PRKG1: variants seen among roughly 807,000 people sequenced by gnomAD.
PRKG1 encodes the protein protein kinase cGMP-dependent 1.
PRKG1 carries 35 observed loss-of-function variants against 88.1 expected under a neutral mutation model. The ratio of observed to expected loss-of-function variants is 0.40; its 90% confidence interval spans 0.30 to 0.53. PRKG1 has a LOEUF of 0.53. PRKG1 is among the 20% of genes least tolerant of loss of function. The pLI is 0.59. For synonymous variants in PRKG1, 303 were observed against 292.5 expected (o/e 1.04, Z -0.37); for missense variants, 540 against 839.8 (o/e 0.64, Z 4.41).
intron 3 of PRKG1, among the ~76,000 whole-genome samples, chr10:51,787,760 A>G (rs1838764671): frequency 2.0e-5 from 3 of 152,186 alleles, no homozygotes; most frequent in Admixed American, 2.0e-4. Flanking sequence ...TCTTATCAAA[A>G]CAATTATTAA....
At chr10:51,546,071 C>G (rs375722964) in intron 3 of PRKG1, among the ~76,000 whole-genome samples, 1 of 137,824 alleles carries the variant, frequency 7.3e-6, no homozygotes, top group African/African-American at 2.7e-5. Context: ...TTTTTTTTTG[C>G]TTCAAACATT....
chr10:51,003,856 A>T (rs1362893751), intron 1 of PRKG1, among the ~76,000 whole-genome samples: 1 of 152,156 alleles, frequency 6.6e-6, no homozygotes, highest in African/African-American at 2.4e-5. Context: ...TTTTTGCTTA[A>T]TAATAGTACC....
chr10:51,377,574 G>A (rs1299391877), intron 2 of PRKG1, among the ~76,000 whole-genome samples: 1 of 151,936 alleles, frequency 6.6e-6, no homozygotes, highest in African/African-American at 2.4e-5. Flanking sequence ...GGTCATATCT[G>A]GTTATGTGTG....
At chr10:51,157,092 A>T (rs1846233623) in intron 2 of PRKG1, among the ~76,000 whole-genome samples, 1 of 151,942 alleles carries the variant, frequency 6.6e-6, no homozygotes, top group Non-Finnish European at 1.5e-5. Flanking sequence ...TCCAAGTGTT[A>T]TTGCATACCT....
chr10:52,120,390 A>C (rs1847792337), intron 7 of PRKG1, among the ~76,000 whole-genome samples: 4 of 152,066 alleles, frequency 2.6e-5, no homozygotes, highest in South Asian at 2.1e-4. Context: ...TTCAGCGTCA[A>C]CTCAAAAGTC....
chr10:51,005,383 A>G (rs1842930753), intron 1 of PRKG1, among the ~76,000 whole-genome samples: 1 of 152,202 alleles, frequency 6.6e-6, no homozygotes, highest in South Asian at 2.1e-4. Context: ...AAAGGATTTT[A>G]GAAGATATCT....
chr10:51,204,504 TG>T (rs1837996074), intron 2 of PRKG1, among the ~76,000 whole-genome samples: 1 of 152,264 alleles, frequency 6.6e-6, no homozygotes, highest in African/African-American at 2.4e-5. Context: ...CTATGCTTTT[TG>T]TCAGGCCATT....
intron 10 of PRKG1, among the ~76,000 whole-genome samples, chr10:52,264,711 T>C (rs1246815964): frequency 6.6e-6 from 1 of 152,092 alleles, no homozygotes; most frequent in East Asian, 1.9e-4. Flanking sequence ...TCTGCCTGGA[T>C]TCCCTTATGC....
chr10:52,275,088 G>T (rs963589602), intron 12 of PRKG1, among the ~76,000 whole-genome samples: 1 of 152,130 alleles, frequency 6.6e-6, no homozygotes, highest in African/African-American at 2.4e-5. Flanking sequence ...TTAGTCCTTT[G>T]TCAGATGTAT....
At chr10:51,515,860 C>G (rs1841565647) in intron 3 of PRKG1, among the ~76,000 whole-genome samples, 2 of 152,164 alleles carry the variant, frequency 1.3e-5, no homozygotes, top group Admixed American at 1.3e-4. Context: ...CCTGCAGGAG[C>G]AAACTCCATG....
At chr10:51,892,201 T>G (rs1841739265) in intron 4 of PRKG1, among the ~76,000 whole-genome samples, 2 of 152,138 alleles carry the variant, frequency 1.3e-5, no homozygotes. Context: ...ACTCTTTTCC[T>G]TCTTCAATTA....
At chr10:51,716,563 ATTAGCCTCCAGG>A in intron 3 of PRKG1, among the ~76,000 whole-genome samples, 1 of 152,278 alleles carries the variant, frequency 6.6e-6, no homozygotes, top group East Asian at 1.9e-4. Context: ...GAGCATACAG[ATTAGCCTCCAGG>A]TTCGTACAAA....
At chr10:51,112,444 A>T (rs1157926013) in intron 1 of PRKG1, among the ~76,000 whole-genome samples, 1 of 152,146 alleles carries the variant, frequency 6.6e-6, no homozygotes, top group African/African-American at 2.4e-5. Context: ...CCTTCCACTA[A>T]AAATAAATAT....
intron 3 of PRKG1, among the ~76,000 whole-genome samples, chr10:51,599,933 A>T (rs979421324): frequency 7.2e-5 from 11 of 152,168 alleles, no homozygotes; most frequent in African/African-American, 2.4e-4. Context: ...ACATGCATGC[A>T]TATTTGTGTG....
At chr10:51,299,464 C>T (rs568311534) in intron 2 of PRKG1, 1 of 447,332 alleles carries the variant, frequency 2.2e-6, no homozygotes, top group South Asian at 1.6e-5. Flanking sequence ...CCTCGGCCTC[C>T]CAGAGTGCTG....
At chr10:51,605,157 C>T (rs753027358) in intron 3 of PRKG1, among the ~76,000 whole-genome samples, 10 of 152,122 alleles carry the variant, frequency 6.6e-5, no homozygotes, top group South Asian at 2.1e-4. Flanking sequence ...TGTTGGTGTC[C>T]GCAGGTCTGC....
chr10:51,147,791 A>G (rs1174571920), intron 1 of PRKG1, among the ~76,000 whole-genome samples: 1 of 152,170 alleles, frequency 6.6e-6, no homozygotes, highest in Admixed American at 6.6e-5. Flanking sequence ...CCTCATGACT[A>G]TTTTTGTCAT....
At chr10:51,821,085 A>G (rs1839732671) in intron 4 of PRKG1, among the ~76,000 whole-genome samples, 2 of 152,142 alleles carry the variant, frequency 1.3e-5, no homozygotes, top group Admixed American at 1.3e-4. Context: ...TTTCAACTTC[A>G]GATGAATGGA....
chr10:51,320,385 C>CTG (rs1406518904), intron 2 of PRKG1: 1 of 160,288 alleles, frequency 6.2e-6, no homozygotes, highest in Admixed American at 6.3e-5. Context: ...AGGAACTCAA[C>CTG]ATTCAGGGCA....
Sources: allele counts gnomAD v4.1 joint callset (sites outside exome capture counted in the v4.1 genomes callset), GRCh38; gene constraint gnomAD v4.1.1; transcripts MANE v1.5; gene names NCBI Gene and HGNC (gene_info 2026-07-23, HGNC 2026-07-21).